The following PPP1R3A variants were observed in gnomAD, a reference collection of about 807,000 sequenced individuals.
PPP1R3A encodes protein phosphatase 1 regulatory subunit 3A.
A neutral mutation model predicts 41.7 loss-of-function variants in PPP1R3A; 29 were observed. The observed-to-expected ratio is 0.70, with a 90% CI of 0.52 to 0.95. The LOEUF is 0.95. PPP1R3A is among the 40% of genes least tolerant of loss of function. The pLI, the probability that PPP1R3A is intolerant of heterozygous loss-of-function variation, is 0.00. For synonymous variants in PPP1R3A, 485 were observed against 453.4 expected (o/e 1.07, Z -0.89); for missense variants, 1,352 against 1,292.4 (o/e 1.05, Z -0.71).
chr7:113,880,113 A>T lies in PPP1R3A; in HGVS notation c.979T>A (p.Leu327Ile), dbSNP rs1415662525. ...GAAGCAGTACTTCTGGTTCTTATTA[A>T]GTGTTGATTTATCTTATGGGATAAA... ...KELELMINQHLIRTRSTASRD... is the reference protein window; with the variant it reads ...KELELMINQHIIRTRSTASRD... The change falls in exon 4 of 4, where the codon TTA (leucine) becomes ATA (isoleucine). Residue 327 changes from leucine (L) to isoleucine (I), a missense_variant. By Grantham distance (5) the Leu-to-Ile change is conservative. Transcript: ENST00000284601. 6.3e-7 allele frequency: 1 copy of T among 1,594,612 alleles called. No homozygotes were observed. The highest frequency in any genetic ancestry group is 1.7e-4 in the Middle Eastern group (1 of 6,006).
At chr7:113,911,558 T>C (rs1235616517) in intron 1 of PPP1R3A, among the ~76,000 whole-genome samples, 1 of 152,098 alleles carries the variant, frequency 6.6e-6, no homozygotes, top group Non-Finnish European at 1.5e-5. Context: ...AAAAGAACCA[T>C]CTTCAGAAGA....
intron 1 of PPP1R3A, among the ~76,000 whole-genome samples, chr7:113,892,430 G>T (rs184136177): frequency 1.4e-3 from 213 of 152,060 alleles, no homozygotes; most frequent in African/African-American, 5.0e-3. Context: ...CTAGAATTCT[G>T]CCATTTCATA....
rs899814326 is a variant in PPP1R3A, at chr7:113,904,379, T to G, written c.782+13836A>C. Among the ~76,000 whole-genome samples, 19 of 151,822 alleles carry G rather than the reference T, an allele frequency of 1.3e-4. No individual in the cohort carries two copies. The East Asian group carries it at 3.7e-3, about 30-fold the overall frequency. The stretch of plus-strand genomic sequence containing the variant: ...TGCTTACTACAATGTAACTGTGAAG[T>G]AATGGGAGATAATGTTATACCACTT... On this transcript the variant is annotated intron_variant, in intron 1 of 3. Coordinates refer to ENST00000284601, the MANE Select transcript of PPP1R3A (RefSeq NM_002711.4).
At chr7:113,911,473 C>G (rs561361550) in intron 1 of PPP1R3A, among the ~76,000 whole-genome samples, 3 of 152,192 alleles carry the variant, frequency 2.0e-5, no homozygotes, top group African/African-American at 7.2e-5. Flanking sequence ...ATATAAACTT[C>G]AATTTCATCT....
chr7:113,892,139 C>T (rs1796902079), intron 1 of PPP1R3A, among the ~76,000 whole-genome samples: 1 of 152,060 alleles, frequency 6.6e-6, no homozygotes, highest in African/African-American at 2.4e-5. Context: ...TGTGAAATTA[C>T]TCAAGTTCAG....
rs1265557620 is a variant in PPP1R3A at position 113,881,431 on chromosome 7, CA to C, written c.966+607del. 3.3e-5 allele frequency among the ~76,000 whole-genome samples: 5 copies of C among 151,930 alleles called. No individual in the cohort carries two copies. In the East Asian group the frequency reaches 7.8e-4, roughly 24 times the overall value. On this transcript the variant is annotated intron_variant, in intron 3 of 3. Transcript: ENST00000284601. ...AAAAGTGCTGTATAAACCATCCCCC[CA>C]AAAAATTCCAAATAGATTGAATGCT... is the stretch of plus-strand genomic sequence containing the variant.
intron 1 of PPP1R3A, among the ~76,000 whole-genome samples, chr7:113,892,510 A>AT (rs1562921411): frequency 6.6e-6 from 1 of 152,112 alleles, no homozygotes; most frequent in Non-Finnish European, 1.5e-5. Context: ...TTCATAATAC[A>AT]TTAGCCAACT....
At position 113,917,725 on chromosome 7, in the gene PPP1R3A, A is replaced by G. The variant is rs562685803; in HGVS notation, c.782+490T>C. ...CATGTATCACTTCAAACATCCCTGT[A>G]TAACTCAAAACAGTTATGAAGAAGT... On this transcript the variant is annotated intron_variant, in intron 1 of 3. Transcript: ENST00000284601. Among the ~76,000 whole-genome samples, 297 of 152,202 alleles carry G rather than the reference A, an allele frequency of 2.0e-3. 1 individual carries two copies. Among genetic ancestry groups the G allele is most frequent in the African/African-American group, 7.0e-3 (290 of 41,566 alleles).
rs551710327 is a variant in PPP1R3A at position 113,877,451 on chromosome 7, T to C, written c.*272A>G. 2.4e-4 allele frequency: 74 copies of C among 313,352 alleles called. No homozygotes were observed. Among genetic ancestry groups the C allele is most frequent in the African/African-American group, 1.4e-3 (64 of 46,520 alleles). 19.4% of individuals were successfully genotyped at this position (313,352 alleles called of 1,614,324 possible). ...GTGAAGAGATGTGAAGCATTGCAAC[T>C]TCATAGCCTGCTAAGGAGCAACAGC... On this transcript the variant is annotated 3_prime_UTR_variant, in exon 4 of 4. Coordinates refer to ENST00000284601, the MANE Select transcript of PPP1R3A (RefSeq NM_002711.4).
At chr7:113,901,624 C>T (rs939745549) in intron 1 of PPP1R3A, among the ~76,000 whole-genome samples, 1 of 151,716 alleles carries the variant, frequency 6.6e-6, no homozygotes, top group Admixed American at 6.6e-5. Context: ...ATATTCTTAA[C>T]CCTCCTTGCC....
chr7:113,894,486 G>T (rs1227807943), intron 1 of PPP1R3A, among the ~76,000 whole-genome samples: 2 of 151,912 alleles, frequency 1.3e-5, no homozygotes, highest in African/African-American at 4.8e-5. Flanking sequence ...CAAGAAAGTA[G>T]TGATTGTCCA....
At position 113,918,364 on chromosome 7, in the gene PPP1R3A, A is replaced by G. The variant is rs770614405; in HGVS notation, c.633T>C (p.Tyr211=). The G allele has an allele frequency of 6.2e-7, 1 of 1,613,338 alleles. No homozygotes were observed. The highest frequency in any genetic ancestry group is 1.3e-5 in the African/African-American group (1 of 74,884). The change falls in exon 1 of 4, where the codon TAT becomes TAC. Residue 211 remains tyrosine, a synonymous_variant. Transcript: ENST00000284601. The part of the protein sequence containing the change: ...DGSKVEFCIR[Y]ETSVGTFWSN... ...ACCAAAATGTACCAACAGAAGTTTCATAACGTATACAAAACTCAACTTTAC... is the reference window on the plus strand; with the variant it reads ...ACCAAAATGTACCAACAGAAGTTTCGTAACGTATACAAAACTCAACTTTAC...
In PPP1R3A at chr7:113,879,371, G is replaced by T. The variant is rs1471261440; in HGVS notation, c.1721C>A (p.Thr574Asn). Residue 574 changes from threonine to asparagine, a missense_variant, in exon 4 of 4, where the codon ACC becomes AAC. By Grantham distance (65) the Thr-to-Asn change is moderately conservative. Coordinates refer to ENST00000284601, the MANE Select transcript of PPP1R3A (RefSeq NM_002711.4). Reference protein sequence around the residue: ...TLLSEHTAIPTRAITADVSHS... With the variant: ...TLLSEHTAIPNRAITADVSHS... ...AGACACATCTGCTGTGATTGCCCGG[G>T]TGGGGATTGCGGTATGTTCGCTCAG... The T allele has an allele frequency of 1.2e-6, 2 of 1,613,584 alleles. No individual in the cohort carries two copies. The highest frequency in any genetic ancestry group is 1.7e-4 in the Middle Eastern group (1 of 6,060).
intron 1 of PPP1R3A, among the ~76,000 whole-genome samples, chr7:113,886,092 T>C (rs527709804): frequency 6.7e-4 from 102 of 151,950 alleles, no homozygotes; most frequent in African/African-American, 2.4e-3. Context: ...TGTGGTTTGT[T>C]ATATATTACA....
In PPP1R3A at chr7:113,878,688, C is replaced by A. The variant is rs1271479483; in HGVS notation, c.2404G>T (p.Glu802Ter). 6.2e-7 allele frequency: 1 copy of A among 1,613,396 alleles called. No individual in the cohort carries two copies. Among genetic ancestry groups the A allele is most frequent in the Non-Finnish European group, 8.5e-7 (1 of 1,179,682 alleles). The change falls in exon 4 of 4, where the codon GAA (glutamate) becomes TAA (stop). Residue 802 changes from glutamate (E) to a stop codon, truncating the protein, a stop_gained. Coordinates refer to ENST00000284601, the MANE Select transcript of PPP1R3A (RefSeq NM_002711.4). LOFTEE classifies it low-confidence loss of function (END_TRUNC). ...TVGVIYDNDF[E>*]KESRLGICNV... Reference sequence around the variant, plus strand: ...CAAATACCTAAACGTGATTCCTTTTCAAAATCATTGTCATAGATTACACCT... The same window carrying A: ...CAAATACCTAAACGTGATTCCTTTTAAAAATCATTGTCATAGATTACACCT...
chr7:113,915,015 G>T (rs910625435), intron 1 of PPP1R3A, among the ~76,000 whole-genome samples: 1 of 152,030 alleles, frequency 6.6e-6, no homozygotes. Flanking sequence ...TCAGGAATCT[G>T]CTTAGTTTGC....
intron 1 of PPP1R3A, among the ~76,000 whole-genome samples, chr7:113,895,910 T>A (rs541468171): frequency 6.6e-6 from 1 of 152,026 alleles, no homozygotes; most frequent in South Asian, 2.1e-4. Flanking sequence ...CACCTTTTTG[T>A]CAATTCTTCA....
intron 1 of PPP1R3A, among the ~76,000 whole-genome samples, chr7:113,906,082 T>C (rs1206068265): frequency 6.6e-6 from 1 of 151,798 alleles, no homozygotes; most frequent in African/African-American, 2.4e-5. Flanking sequence ...TGTTGAACAA[T>C]TAGAGTATGC....
intron 1 of PPP1R3A, among the ~76,000 whole-genome samples, chr7:113,892,251 C>A (rs987577271): frequency 1.3e-5 from 2 of 152,022 alleles, no homozygotes; most frequent in Non-Finnish European, 1.5e-5. Context: ...GAAATATGAG[C>A]CTCCTTTGAG....
Sources: allele counts gnomAD v4.1 joint callset (sites outside exome capture counted in the v4.1 genomes callset), GRCh38; gene constraint gnomAD v4.1.1; transcripts MANE v1.5; gene names NCBI Gene and HGNC (gene_info 2026-07-23, HGNC 2026-07-21).